The following AOC1 variants were observed in gnomAD, a reference collection of about 807,000 sequenced individuals.
AOC1 encodes the protein amine oxidase copper containing 1, also known as diamine oxidase [copper-containing].
AOC1 carries 58 observed loss-of-function variants against 57.1 expected under a neutral mutation model. The observed-to-expected ratio is 1.02, with a 90% CI of 0.82 to 1.26. The LOEUF (loss-of-function observed/expected upper bound fraction) is 1.26. Ranked by LOEUF, AOC1 falls within the 50% of genes most tolerant of loss-of-function variation. The pLI, the probability that AOC1 is intolerant of heterozygous loss-of-function variation, is 0.00. For synonymous variants in AOC1, 401 were observed against 423.4 expected, an observed-to-expected ratio of 0.95 and a Z score of 0.65; for missense variants, 917 against 1,005.3, an observed-to-expected ratio of 0.91 and a Z score of 1.19.
chr7:150,859,173 T>C (rs926630061), intron 3 of AOC1, 125 bp downstream of exon 3: 1 of 1,112,674 alleles, frequency 9.0e-7, no homozygotes, highest in African/African-American at 1.6e-5. Context: ...TACGTATGTG[T>C]ATATCTGTGT....
In AOC1 at chr7:150,856,989, A is replaced by T; in HGVS notation, c.519A>T (p.Ser173=). Residue 173 remains serine (S), a synonymous_variant, in exon 2 of 5, where the codon TCA becomes TCT. Coordinates refer to ENST00000360937, the MANE Select transcript of AOC1 (RefSeq NM_001091.4). The surrounding 1 kb of genome is among the most constrained non-coding windows in gnomAD (Gnocchi z 5.2). ...HQFFLNTTGF[S]FQDCHDRCLA... is the part of the protein sequence containing the mutation. ...TCTTCCTCAATACCACAGGCTTCTC[A>T]TTCCAAGACTGCCATGACAGATGCC... 1.9e-6 allele frequency: 3 copies of T among 1,614,174 alleles called. No individual in the cohort carries two copies. Among genetic ancestry groups the T allele is most frequent in the Non-Finnish European group, 2.5e-6 (3 of 1,180,006 alleles).
Position 150,857,225 on chromosome 7 carries a change from A to G in AOC1, c.755A>G (p.Lys252Arg). 2 of 1,612,796 alleles carry G rather than the reference A, an allele frequency of 1.2e-6. No homozygotes were observed. The highest frequency in any genetic ancestry group is 2.2e-5 in the South Asian group (2 of 90,846). The part of the protein sequence containing the change: ...FYGSPEELAR[K>R]YADGEVDVVV... The stretch of plus-strand genomic sequence containing the variant: ...GGGAGCCCAGAGGAACTGGCTCGGA[A>G]GTATGCAGATGGAGAGGTGGACGTG... The change falls in exon 2 of 5, where the codon AAG (lysine) becomes AGG (arginine). Residue 252 changes from lysine to arginine, a missense_variant. Transcript: ENST00000360937. The surrounding 1 kb of genome is among the most constrained non-coding windows in gnomAD (Gnocchi z 6.6).
chr7:150,853,810 G>A (rs1260767644), intron 1 of AOC1: 1 of 151,682 alleles, frequency 6.6e-6, no homozygotes, highest in African/African-American at 2.4e-5. Flanking sequence ...ACCACTTGAG[G>A]TCAGGAATTC....
chr7:150,860,983 C>T lies in AOC1; in HGVS notation c.2030C>T (p.Pro677Leu). The T allele has an allele frequency of 6.2e-7, 1 of 1,613,814 alleles. No homozygotes were observed. Among genetic ancestry groups the T allele is most frequent in the South Asian group, 1.1e-5 (1 of 91,066 alleles). Residue 677 changes from proline to leucine, a missense_variant, in exon 5 of 5, where the codon CCC becomes CTC. By Grantham distance (98) the Pro-to-Leu change is moderately conservative (BLOSUM62 -3). Transcript: ENST00000360937. ...AWVTVGFLHIPHSEDIPNTAT... is the reference protein window; with the variant it reads ...AWVTVGFLHILHSEDIPNTAT... ...GTGACGGTGGGCTTCCTGCACATCC[C>T]CCACTCAGAGGACATTCCCAACACA...
In AOC1 at chr7:150,860,936, C is replaced by A; in HGVS notation, c.1990-7C>A. ...CTGCCCACTGAAGCCCACCCTGTCT[C>A]CTGCAGGACCTGGTGGCCTGGGTGA... On this transcript the variant is annotated splice_region_variant and splice_polypyrimidine_tract_variant and intron_variant, in intron 4 of 4. Coordinates refer to ENST00000360937, the MANE Select transcript of AOC1 (RefSeq NM_001091.4). 1.2e-6 allele frequency: 2 copies of A among 1,609,236 alleles called. No individual in the cohort carries two copies. The highest frequency in any genetic ancestry group is 1.7e-6 in the Non-Finnish European group (2 of 1,178,466).
rs117527739 is a variant in AOC1 at position 150,858,464 on chromosome 7, G to A, written c.1571-299G>A. Among the ~76,000 whole-genome samples the A allele has an allele frequency of 8.5e-5, 13 of 152,228 alleles. No individual in the cohort carries two copies. In the East Asian group the frequency reaches 1.5e-3, roughly 18 times the overall value. On this transcript the variant is annotated intron_variant, in intron 2 of 4. Transcript: ENST00000360937. ...ACAAGGCCACCAGGACCACACGGGC[G>A]GCTCCTACCCCTCAGCCCCAGTCAC...
At position 150,853,689 on chromosome 7, in the gene AOC1, ATATATATATT is replaced by A. The variant is rs1449990483; in HGVS notation, c.-17+1135_-17+1144del. ...TATATATATATATATATATATATAT[ATATATATATT>A]TATTTATTTATTTATTTAAGTCTAA... On this transcript the variant is annotated intron_variant, in intron 1 of 4. Coordinates refer to ENST00000360937, the MANE Select transcript of AOC1 (RefSeq NM_001091.4). 1.9e-3 allele frequency among the ~76,000 whole-genome samples: 49 copies of A among 26,418 alleles called. No individual in the cohort carries two copies. The African/African-American group carries it at 0.019, about 10-fold the overall frequency. 17.3% of individuals were successfully genotyped at this position (26,418 alleles called of 152,430 possible). A position where few individuals can be genotyped will look rare whatever the true frequency, so the allele number is the denominator to read the frequency against.
At chr7:150,855,864 T>G (rs1210504525) in intron 1 of AOC1, among the ~76,000 whole-genome samples, 1 of 151,464 alleles carries the variant, frequency 6.6e-6, no homozygotes, top group Non-Finnish European at 1.5e-5. Flanking sequence ...CTGTTGTCAT[T>G]ATTTTCATTT....
chr7:150,860,737 C>A (rs2116847868), intron 4 of AOC1, 104 bp downstream of exon 4: 3 of 1,453,596 alleles, frequency 2.1e-6, no homozygotes, highest in African/African-American at 2.8e-5. Flanking sequence ...ACCCTTTGCC[C>A]AGATCTGTCC....
At chr7:150,858,623 C>A in intron 2 of AOC1, 140 bp from the exon 3 acceptor site, 1 of 945,358 alleles carries the variant, frequency 1.1e-6, no homozygotes. Context: ...CCACAGCCGC[C>A]CAGGGCATCC....
intron 1 of AOC1, among the ~76,000 whole-genome samples, chr7:150,853,061 G>A (rs183053964): frequency 7.2e-5 from 11 of 152,294 alleles, no homozygotes; most frequent in African/African-American, 1.9e-4. Context: ...AATACAGGAC[G>A]TTCTGGAAAA....
Position 150,858,678 on chromosome 7 carries a change from G to A in AOC1, c.1571-85G>A, listed in dbSNP as rs2116839387. 3.6e-6 allele frequency: 5 copies of A among 1,399,294 alleles called. 1 individual carries two copies. In the South Asian group the frequency reaches 5.6e-5, roughly 16 times the overall value. 86.7% of individuals were successfully genotyped at this position (1,399,294 alleles called of 1,614,324 possible). ...AAGACAGTTGGCTGTTGGATGTGGT[G>A]GAGGATGGAGATCCTGGGGTAGAAT... On this transcript the variant is annotated intron_variant, in intron 2 of 4. Transcript: ENST00000360937.
At chr7:150,853,526 T>C (rs1348060411) in intron 1 of AOC1, among the ~76,000 whole-genome samples, 1 of 151,540 alleles carries the variant, frequency 6.6e-6, no homozygotes, top group Non-Finnish European at 1.5e-5. Context: ...TATTAAGAAA[T>C]CTATTAAAGT....
rs779653081 is a variant in AOC1, at chr7:150,857,373, C to T, written c.903C>T (p.Arg301=). Reference sequence around the variant, plus strand: ...GCCCCATCCATGTGAGCGGCCCCCGCTTGGTCCAGCCCCACGGCCCTCGCT... The same window carrying T: ...GCCCCATCCATGTGAGCGGCCCCCGTTTGGTCCAGCCCCACGGCCCTCGCT... ...FPSPIHVSGP[R]LVQPHGPRFR... is the part of the protein sequence containing the mutation. The change falls in exon 2 of 5, where the codon CGC becomes CGT. Residue 301 remains arginine (R), a synonymous_variant. Transcript: ENST00000360937. This position sits in a 1 kb window ranked among gnomAD's most constrained non-coding sequence, Gnocchi z 6.6. 5.0e-6 allele frequency: 8 copies of T among 1,608,506 alleles called. No individual in the cohort carries two copies. The highest frequency in any genetic ancestry group is 8.5e-7 in the Non-Finnish European group (1 of 1,177,138).
In AOC1 at chr7:150,858,001, A is replaced by G. The variant is rs1799846093; in HGVS notation, c.1531A>G (p.Thr511Ala). 1.3e-6 allele frequency: 2 copies of G among 1,566,974 alleles called. No individual in the cohort carries two copies. The highest frequency in any genetic ancestry group is 2.7e-5 in the African/African-American group (2 of 73,980). ...LHTHLIGNIH[T>A]HLVHYRVDLD... ...CACCCACCTGATTGGCAACATACAC[A>G]CTCACTTGGTGCACTACCGCGTAGA... The change falls in exon 2 of 5, where the codon ACT (threonine) becomes GCT (alanine). Residue 511 changes from threonine (T) to alanine (A), a missense_variant. Coordinates refer to ENST00000360937, the MANE Select transcript of AOC1 (RefSeq NM_001091.4).
intron 1 of AOC1, among the ~76,000 whole-genome samples, chr7:150,853,697 ATTTATT>A (rs1454286342): frequency 1.8e-5 from 2 of 113,960 alleles, no homozygotes; most frequent in African/African-American, 3.4e-5. Context: ...ATATATATAT[ATTTATT>A]TATTTATTTA....
Position 150,856,858 on chromosome 7 carries a change from C to G in AOC1, c.388C>G (p.Pro130Ala). 6.2e-7 allele frequency: 1 copy of G among 1,614,104 alleles called. No individual in the cohort carries two copies. Among genetic ancestry groups the G allele is most frequent in the East Asian group, 2.2e-5 (1 of 44,888 alleles). ...GCCCTGCTACATGCGAGCACTGTCC[C>G]CCAGGCCTGGGTACCAGTCCTCCTG... ...PGPCYMRALS[P>A]RPGYQSSWAS... The change falls in exon 2 of 5, where the codon CCC (proline) becomes GCC (alanine). Residue 130 changes from proline (P) to alanine (A), a missense_variant. Transcript: ENST00000360937. This position sits in a 1 kb window ranked among gnomAD's most constrained non-coding sequence, Gnocchi z 5.2.
Position 150,856,478 on chromosome 7 carries a change from C to T in AOC1, c.8C>T (p.Ala3Val), listed in dbSNP as rs373457221. MPALGWAVAAILM... is the reference protein window; with the variant it reads MPVLGWAVAAILM... ...AGAGCCGTGGAGCGAGAGATGCCGG[C>T]CCTGGGCTGGGCCGTGGCTGCCATC... The change falls in exon 2 of 5, where the codon GCC (alanine) becomes GTC (valine). Residue 3 changes from alanine (A) to valine (V), a missense_variant. By Grantham distance (64) the Ala-to-Val change is moderately conservative. Transcript: ENST00000360937. The surrounding 1 kb of genome is among the most constrained non-coding windows in gnomAD (Gnocchi z 5.2). 1.8e-5 allele frequency: 29 copies of T among 1,612,672 alleles called. 2 individuals are homozygous for T. The East Asian group carries it at 4.5e-4, about 25-fold the overall frequency.
At chr7:150,855,033 T>C (rs1260777417) in intron 1 of AOC1, among the ~76,000 whole-genome samples, 2 of 77,486 alleles carry the variant, frequency 2.6e-5, no homozygotes. Context: ...CAACTACCTA[T>C]GAAAATATGA....
Sources: allele counts gnomAD v4.1 joint callset (sites outside exome capture counted in the v4.1 genomes callset), GRCh38; gene constraint gnomAD v4.1.1; non-coding constraint Gnocchi (gnomAD v3.1); transcripts MANE v1.5; gene names NCBI Gene and HGNC (gene_info 2026-07-23, HGNC 2026-07-21).